Variants in DEPDC4 observed in about 807,000 individuals in gnomAD.
DEPDC4 encodes the protein DEP domain containing 4, also known as DEP domain-containing protein 4.
Under a neutral mutation model 52.0 loss-of-function variants are expected in DEPDC4, and 52 were observed. That is an observed-to-expected ratio of 1.00 (90% CI 0.80 to 1.26). DEPDC4 has a LOEUF of 1.26. Ranked by LOEUF, DEPDC4 falls within the 50% of genes most tolerant of loss-of-function variation. The pLI, the probability that DEPDC4 is intolerant of heterozygous loss-of-function variation, is 0.00. For synonymous variants in DEPDC4, 201 were observed against 196.8 expected (o/e 1.02, Z -0.18); for missense variants, 530 against 546.9 (o/e 0.97, Z 0.31).
chr12:100,232,546 T>G (rs2096136252), intron 9 of DEPDC4, among the ~76,000 whole-genome samples: 1 of 152,114 alleles, frequency 6.6e-6, no homozygotes, highest in Non-Finnish European at 1.5e-5. Flanking sequence ...TAACAAGCAC[T>G]CCAGGTGATT....
the DEPDC4 span, among the ~76,000 whole-genome samples, chr12:100,274,043 A>C: frequency 6.6e-6 from 1 of 152,218 alleles, no homozygotes; most frequent in Non-Finnish European, 1.5e-5. Flanking sequence ...ATGTTTTCAT[A>C]ATGCCAGTAG....
At position 100,266,962 on chromosome 12, in the gene DEPDC4, A is replaced by T; in HGVS notation, c.115T>A (p.Ser39Thr). The T allele has an allele frequency of 6.2e-7, 1 of 1,613,994 alleles. No individual in the cohort carries two copies. The highest frequency in any genetic ancestry group is 2.2e-5 in the East Asian group (1 of 44,868). Residue 39 changes from serine (S) to threonine (T), a missense_variant, in exon 1 of 10, where the codon TCC becomes ACC. Ser to Thr is a moderately conservative substitution (Grantham distance 58, BLOSUM62 1). Coordinates refer to ENST00000550587, the MANE Select transcript of DEPDC4 (RefSeq NM_001364818.2). The stretch of plus-strand genomic sequence containing the variant: ...CAGAAGCCATCTCTACGGTTCCTGG[A>T]ACTTGGCCCGTTCAGCCCTGGGCCC... The part of the protein sequence containing the change: ...LPGPGLNGPS[S>T]RNRRDGFCRK...
At chr12:100,259,081 A>ATATATAT (rs1555312803) in intron 3 of DEPDC4, among the ~76,000 whole-genome samples, 26 of 149,188 alleles carry the variant, frequency 1.7e-4, no homozygotes, top group African/African-American at 6.5e-4. Flanking sequence ...AAAAAAAAAA[A>ATATATAT]ATATATATAT....
At chr12:100,267,122 C>T, upstream of DEPDC4, 4 of 1,589,256 alleles carry the variant, frequency 2.5e-6, no homozygotes, top group Non-Finnish European at 3.4e-6. Context: ...GTACTGGCTC[C>T]GCCTCTTCCG....
chr12:100,252,334 G>A (rs925670579), intron 6 of DEPDC4, 33 bp from the exon 7 acceptor site: 30 of 1,502,908 alleles, frequency 2.0e-5, no homozygotes, highest in Non-Finnish European at 2.3e-5. Context: ...TAGCATAAAT[G>A]GTTTTTAGAG....
intron 3 of DEPDC4, among the ~76,000 whole-genome samples, chr12:100,258,112 T>C (rs902050520): frequency 6.6e-6 from 1 of 151,756 alleles, no homozygotes; most frequent in South Asian, 2.1e-4. Flanking sequence ...GCCAGGGATA[T>C]AAAAGTAACC....
chr12:100,264,504 C>T lies in DEPDC4; in HGVS notation c.158-611G>A, dbSNP rs182909053. Among the ~76,000 whole-genome samples the T allele has an allele frequency of 2.3e-3, 355 of 152,226 alleles. 2 individuals are homozygous for T. The Middle Eastern group carries it at 0.024, about 10-fold the overall frequency. On this transcript the variant is annotated intron_variant, in intron 1 of 9. Coordinates refer to ENST00000550587, the MANE Select transcript of DEPDC4 (RefSeq NM_001364818.2). ...GACCAGCCTGGCCAACATGACGAGA[C>T]TCCACCTCTACTAAAAATACAAAAA... is the stretch of plus-strand genomic sequence containing the variant.
At chr12:100,273,824 G>A in the DEPDC4 span, among the ~76,000 whole-genome samples, 3 of 152,174 alleles carry the variant, frequency 2.0e-5, no homozygotes, top group Admixed American at 2.0e-4. Flanking sequence ...CTCTTTGGAG[G>A]ACTGAGTCTG....
intron 2 of DEPDC4, among the ~76,000 whole-genome samples, chr12:100,263,123 C>T (rs1439487233): frequency 2.0e-5 from 3 of 152,096 alleles, no homozygotes; most frequent in East Asian, 3.9e-4. Context: ...CACCACATCC[C>T]GCTAATTTTT....
chr12:100,236,850 A>C (rs1446657235), downstream of DEPDC4, among the ~76,000 whole-genome samples: 1 of 152,048 alleles, frequency 6.6e-6, no homozygotes, highest in Admixed American at 6.6e-5. Flanking sequence ...TCTTGAGTTG[A>C]TTTTTGTATA....
intron 9 of DEPDC4, among the ~76,000 whole-genome samples, chr12:100,242,061 G>A (rs1011905568): frequency 6.6e-6 from 1 of 152,028 alleles, no homozygotes; most frequent in Non-Finnish European, 1.5e-5. Flanking sequence ...AAAATAACTA[G>A]AAGCAAGAAA....
intron 1 of DEPDC4, among the ~76,000 whole-genome samples, chr12:100,265,763 C>T (rs2096270102): frequency 6.6e-6 from 1 of 152,122 alleles, no homozygotes; most frequent in Non-Finnish European, 1.5e-5. Context: ...CTGAGCAGAA[C>T]AACTTGTATA....
At position 100,241,668 on chromosome 12, in the gene DEPDC4, T is replaced by C; in HGVS notation, c.*224A>G. ...AAATTGTAGTTTCTTGTATCAGAAATGTTAATTCAAAGCTTCTGGATGGTG... is the reference window on the plus strand; with the variant it reads ...AAATTGTAGTTTCTTGTATCAGAAACGTTAATTCAAAGCTTCTGGATGGTG... On this transcript the variant is annotated 3_prime_UTR_variant, in exon 10 of 10. Coordinates refer to ENST00000550587, the MANE Select transcript of DEPDC4 (RefSeq NM_001364818.2). 8.3e-7 allele frequency: 1 copy of C among 1,210,908 alleles called. No homozygotes were observed. Among genetic ancestry groups the C allele is most frequent in the South Asian group, 1.5e-5 (1 of 67,218 alleles). The allele number at this position is 1,210,908 out of a possible 1,614,324, so 75.0% of individuals were successfully genotyped here. A position where few individuals can be genotyped will look rare whatever the true frequency, so the allele number is the denominator to read the frequency against.
upstream of DEPDC4, among the ~76,000 whole-genome samples, chr12:100,271,063 G>A (rs533016952): frequency 6.6e-6 from 1 of 151,966 alleles, no homozygotes; most frequent in Admixed American, 6.6e-5. Context: ...TACTCAGCTG[G>A]TTTAATCTTT....
intron 8 of DEPDC4, among the ~76,000 whole-genome samples, chr12:100,243,583 C>T (rs1181798493): frequency 6.6e-6 from 1 of 152,138 alleles, no homozygotes; most frequent in Non-Finnish European, 1.5e-5. Flanking sequence ...AACCCTTGAT[C>T]CTATGCCCTC....
At chr12:100,248,340 A>G (rs947989661) in intron 8 of DEPDC4, among the ~76,000 whole-genome samples, 2 of 152,206 alleles carry the variant, frequency 1.3e-5, no homozygotes, top group Non-Finnish European at 2.9e-5. Flanking sequence ...ACTCACAGAT[A>G]TACCTATTAG....
chr12:100,242,865 C>A lies in DEPDC4; in HGVS notation c.1454-296G>T, dbSNP rs77162365. The stretch of plus-strand genomic sequence containing the variant: ...TGCACACCTATCCTTCTGCAACATG[C>A]GACAAAGCAAAATCCCAGCTCTTAA... On this transcript the variant is annotated intron_variant, in intron 8 of 9. Coordinates refer to ENST00000550587, the MANE Select transcript of DEPDC4 (RefSeq NM_001364818.2). 7.2e-5 allele frequency among the ~76,000 whole-genome samples: 11 copies of A among 152,274 alleles called. No homozygotes were observed. In the East Asian group the frequency reaches 1.9e-3, roughly 27 times the overall value.
chr12:100,272,095 G>A, the DEPDC4 span, among the ~76,000 whole-genome samples: 3 of 152,062 alleles, frequency 2.0e-5, no homozygotes, highest in Non-Finnish European at 4.4e-5. Flanking sequence ...ATGGTAGAGA[G>A]ATACACAGTC....
chr12:100,271,281 A>AAAAAAAG (rs869276181), upstream of DEPDC4, among the ~76,000 whole-genome samples: 136 of 128,886 alleles, frequency 1.1e-3, no homozygotes, highest in African/African-American at 2.3e-3. Context: ...AAAAAAAAAA[A>AAAAAAAG]AGAGAGAGAG....
Sources: allele counts gnomAD v4.1 joint callset (sites outside exome capture counted in the v4.1 genomes callset), GRCh38; gene constraint gnomAD v4.1.1; transcripts MANE v1.5; gene names NCBI Gene and HGNC (gene_info 2026-07-23, HGNC 2026-07-21).